The following DLG1 variants were observed in gnomAD, a reference collection of about 807,000 sequenced individuals.
DLG1 encodes disks large homolog 1.
A neutral mutation model predicts 123.4 loss-of-function variants in DLG1; 42 were observed. That is an observed-to-expected ratio of 0.34 (90% CI 0.27 to 0.44). DLG1 has a LOEUF of 0.44. Among genes scored for constraint, DLG1 ranks in the 20% least tolerant of loss-of-function variants. The probability of loss-of-function intolerance (pLI) is 1.00; values close to 1 mark genes in which losing one functional copy is unlikely to be tolerated. For missense variants in DLG1, 942 were observed against 1,082.6 expected, an observed-to-expected ratio of 0.87 and a Z score of 1.82; for synonymous variants, 317 against 356.2, an observed-to-expected ratio of 0.89 and a Z score of 1.24.
chr3:197,058,704 T>C (rs1362482306), intron 23 of DLG1, among the ~76,000 whole-genome samples: 1 of 152,250 alleles, frequency 6.6e-6, no homozygotes, highest in East Asian at 1.9e-4. Context: ...TTAACAGATG[T>C]CAAATAGGTA....
At chr3:197,249,339 T>C (rs964339550) in intron 4 of DLG1, among the ~76,000 whole-genome samples, 5 of 152,132 alleles carry the variant, frequency 3.3e-5, no homozygotes, top group Middle Eastern at 3.4e-3. Context: ...ACTTTCAAGA[T>C]TGAACCATGA....
intron 5 of DLG1, among the ~76,000 whole-genome samples, chr3:197,173,577 G>C (rs904854954): frequency 6.6e-6 from 1 of 152,008 alleles, no homozygotes; most frequent in Non-Finnish European, 1.5e-5. Flanking sequence ...AAGAGATTTT[G>C]TCTTTATTGT....
chr3:197,282,740 CT>C lies in DLG1; in HGVS notation c.256del (p.Ser86AlafsTer7). The C allele has an allele frequency of 6.2e-7, 1 of 1,612,406 alleles. No individual in the cohort carries two copies. The highest frequency in any genetic ancestry group is 8.5e-7 in the Non-Finnish European group (1 of 1,179,224). On this transcript the variant is annotated frameshift_variant, in exon 4 of 25. Transcript: ENST00000667157. LOFTEE classifies it high-confidence loss of function. Reference sequence around the variant, plus strand: ...TGAAGTCACAGTAGAGCTTGGAAGGCTGGAAATCTCCCAAGTATTCACAGGT... The same window carrying C: ...TGAAGTCACAGTAGAGCTTGGAAGGCGGAAATCTCCCAAGTATTCACAGGT... ...IQPVNTWEIS[S>X]LPSSTVTSET...
chr3:197,273,878 T>C (rs1262822457), intron 4 of DLG1, among the ~76,000 whole-genome samples: 1 of 44,790 alleles, frequency 2.2e-5, no homozygotes, highest in East Asian at 8.4e-4. Context: ...AAAACAAACC[T>C]AGGAATAAAT....
At chr3:197,053,747 C>T (rs1267994310) in intron 23 of DLG1, among the ~76,000 whole-genome samples, 2 of 144,370 alleles carry the variant, frequency 1.4e-5, no homozygotes, top group Non-Finnish European at 3.0e-5. Flanking sequence ...GCACTCCAGC[C>T]TGGGAGACAG....
chr3:197,119,003 C>CTA (rs1408925031), intron 12 of DLG1, among the ~76,000 whole-genome samples: 2 of 151,990 alleles, frequency 1.3e-5, no homozygotes, highest in Non-Finnish European at 2.9e-5. Flanking sequence ...GACCCTCCTG[C>CTA]TAAAACCAAA....
At chr3:197,140,312 T>C (rs865841161) in intron 7 of DLG1, 48 bp from the exon 8 acceptor site, 3 of 1,594,048 alleles carry the variant, frequency 1.9e-6, no homozygotes, top group South Asian at 2.3e-5. Flanking sequence ...TTTATCTTTA[T>C]GGACAGGTTC....
intron 14 of DLG1, among the ~76,000 whole-genome samples, chr3:197,091,640 T>A (rs1210553864): frequency 6.6e-6 from 1 of 152,092 alleles, no homozygotes; most frequent in Non-Finnish European, 1.5e-5. Flanking sequence ...AAATATTTTT[T>A]ATACAAAAAT....
At chr3:197,279,955 T>C (rs190178326) in intron 4 of DLG1, among the ~76,000 whole-genome samples, 426 of 152,356 alleles carry the variant, frequency 2.8e-3, no homozygotes, top group Non-Finnish European at 4.6e-3. Flanking sequence ...GTATTTAGAA[T>C]ATCCATCACC....
chr3:197,149,325 G>C (rs761748891), intron 6 of DLG1, among the ~76,000 whole-genome samples: 16 of 152,058 alleles, frequency 1.1e-4, no homozygotes, highest in Non-Finnish European at 1.9e-4. Context: ...TTTTGTCCCT[G>C]ATCAATTTAA....
chr3:197,092,093 T>G (rs945868060), intron 14 of DLG1, among the ~76,000 whole-genome samples: 1 of 152,190 alleles, frequency 6.6e-6, no homozygotes, highest in Non-Finnish European at 1.5e-5. Flanking sequence ...ATAGCCTTAA[T>G]AGTAGAATGT....
chr3:197,198,306 A>T (rs760561368), intron 4 of DLG1, among the ~76,000 whole-genome samples: 36 of 152,044 alleles, frequency 2.4e-4, no homozygotes, highest in Non-Finnish European at 5.2e-4. Flanking sequence ...TTACTAATAT[A>T]GTCAAACCCC....
In DLG1 at chr3:197,102,681, T is replaced by C. The variant is rs192024810; in HGVS notation, c.1546+2222A>G. 7.3e-3 allele frequency among the ~76,000 whole-genome samples: 1,113 copies of C among 152,196 alleles called. 11 individuals carry two copies. Among genetic ancestry groups the C allele is most frequent in the African/African-American group, 0.024 (994 of 41,546 alleles). ...AGATCACCTGAGGTCAGGAGACCAG[T>C]CTGGCCAACATGGTGAAACCCCGTC... On this transcript the variant is annotated intron_variant, in intron 14 of 24. Transcript: ENST00000667157.
At chr3:197,294,904 C>CATAT (rs1190398451) in intron 3 of DLG1, among the ~76,000 whole-genome samples, 1 of 151,966 alleles carries the variant, frequency 6.6e-6, no homozygotes, top group Non-Finnish European at 1.5e-5. Flanking sequence ...CCTATCTATA[C>CATAT]ATATATGTAT....
chr3:197,268,111 G>GT (rs1560083819), intron 4 of DLG1, among the ~76,000 whole-genome samples: 1 of 152,136 alleles, frequency 6.6e-6, no homozygotes, highest in Non-Finnish European at 1.5e-5. Flanking sequence ...AACAGGAGAG[G>GT]TGAGGAGGTT....
chr3:197,145,223 C>T (rs1355093049), intron 6 of DLG1, among the ~76,000 whole-genome samples: 1 of 152,168 alleles, frequency 6.6e-6, no homozygotes, highest in Non-Finnish European at 1.5e-5. Context: ...GCAATATCCC[C>T]TTTCTTATTC....
intron 5 of DLG1, among the ~76,000 whole-genome samples, chr3:197,177,869 T>C (rs1427651721): frequency 6.6e-6 from 1 of 152,046 alleles, no homozygotes; most frequent in Non-Finnish European, 1.5e-5. Flanking sequence ...ACTATTACAA[T>C]GCTAAATAAA....
chr3:197,137,540 T>C (rs899459065), intron 9 of DLG1, among the ~76,000 whole-genome samples: 1 of 152,124 alleles, frequency 6.6e-6, no homozygotes, highest in Non-Finnish European at 1.5e-5. Flanking sequence ...ATAAAACAAA[T>C]AGATATTTTG....
At chr3:197,292,868 C>A (rs570195168) in intron 3 of DLG1, among the ~76,000 whole-genome samples, 33 of 152,236 alleles carry the variant, frequency 2.2e-4, no homozygotes, top group African/African-American at 7.9e-4. Context: ...ATCTTGGGCC[C>A]CAGTTTTTCT....
Sources: gnomAD v4.1 joint callset for allele counts (sites outside exome capture counted in the v4.1 genomes callset) on GRCh38, gnomAD v4.1.1 for gene constraint, MANE v1.5 for transcripts, NCBI Gene and HGNC (gene_info 2026-07-23, HGNC 2026-07-21) for gene names.